Variants in UBA1 observed in about 807,000 individuals in gnomAD.
UBA1 encodes the protein ubiquitin-like modifier-activating enzyme 1.
Under a neutral mutation model 84.7 loss-of-function variants are expected in UBA1, and 4 were observed. The ratio of observed to expected loss-of-function variants is 0.05; its 90% CI spans 0.02 to 0.11. The LOEUF (loss-of-function observed/expected upper bound fraction) is 0.11, where lower values mean the gene tolerates loss of function less well. Ranked by LOEUF, UBA1 falls within the 10% of genes least tolerant of loss-of-function variation. The pLI, the probability that UBA1 is intolerant of heterozygous loss-of-function variation, is 1.00. For missense variants in UBA1, 513 were observed against 902.8 expected (o/e 0.57, Z 5.53); for synonymous variants, 364 against 362.6 (o/e 1.00, Z -0.04).
chrX:47,205,632 G>A (rs1334408481), intron 14 of UBA1: 3 of 365,860 alleles, frequency 8.2e-6, no homozygotes, highest in Non-Finnish European at 1.5e-5. Flanking sequence ...TGGGGCCGAG[G>A]TCTTTGAGCT....
intron 1 of UBA1, among the ~76,000 whole-genome samples, chrX:47,195,952 A>G (rs1556785395): frequency 1.8e-5 from 2 of 110,866 alleles, no homozygotes; most frequent in Non-Finnish European, 3.8e-5. Context: ...AGAGTCCTCC[A>G]GAGCCTCAAC....
At chrX:47,208,272 CGTGTGTGT>C (rs144601357) in intron 16 of UBA1, among the ~76,000 whole-genome samples, 2 of 106,481 alleles carry the variant, frequency 1.9e-5, no homozygotes, top group East Asian at 3.0e-4. Flanking sequence ...AGTGTCTGTA[CGTGTGTGT>C]GTGTGTGTGT....
At chrX:47,203,421 C>A in intron 13 of UBA1, 120 bp from the exon 14 acceptor site, 1 of 948,517 alleles carries the variant, frequency 1.1e-6, no homozygotes, top group Non-Finnish European at 1.5e-6. Context: ...GTCCTGCAAC[C>A]TGAAGATGTG....
chrX:47,195,843 G>A (rs937257424), intron 1 of UBA1, among the ~76,000 whole-genome samples: 5 of 110,450 alleles, frequency 4.5e-5, no homozygotes, highest in African/African-American at 1.3e-4. Flanking sequence ...CAGCCTCCTG[G>A]GACTCTGTAG....
Position 47,210,902 on chromosome X carries a change from T to A in UBA1, c.2260T>A (p.Phe754Ile). 8.3e-7 allele frequency: 1 copy of A among 1,211,330 alleles called. No homozygotes were observed. The highest frequency in any genetic ancestry group is 1.1e-6 in the Non-Finnish European group (1 of 895,255). The change falls in exon 19 of 26, where the codon TTT becomes ATT. Residue 754 changes from phenylalanine (F) to isoleucine (I), a missense_variant. This residue lies in a region of UBA1 where 151 missense variants were observed against 260.1 expected (regional missense o/e 0.58). Transcript: ENST00000335972. ...GPKRCPHPLT[F>I]DVNNPLHLDY... ...CAAACGCTGTCCACACCCGCTCACCTTTGATGTCAACAATGTAAGTCTCCT... is the reference window on the plus strand; with the variant it reads ...CAAACGCTGTCCACACCCGCTCACCATTGATGTCAACAATGTAAGTCTCCT...
In UBA1 at chrX:47,214,848, G is replaced by T; in HGVS notation, c.3096G>T (p.Arg1032=). The part of the protein sequence containing the change: ...VSKRKLGRHV[R]ALVLELCCND... ...AGCGAAAGCTGGGCCGCCACGTGCG[G>T]GCGCTGGTGCTTGAGCTGTGCTGTA... Residue 1032 remains arginine, a synonymous_variant, in exon 26 of 26, where the codon CGG becomes CGT. Transcript: ENST00000335972. 8.3e-7 allele frequency: 1 copy of T among 1,211,976 alleles called. No individual in the cohort carries two copies.
chrX:47,202,557 A>G (rs2147260297), intron 10 of UBA1, 53 bp downstream of exon 10: 1 of 1,204,134 alleles, frequency 8.3e-7, no homozygotes, highest in East Asian at 3.0e-5. Context: ...CTGCAGGCTC[A>G]CCATGCCTCT....
chrX:47,209,435 T>C, intron 16 of UBA1, 188 bp from the exon 17 acceptor site: 1 of 527,817 alleles, frequency 1.9e-6, no homozygotes, highest in Non-Finnish European at 3.5e-6. Context: ...ATTACAGGTG[T>C]GAGCTACTGT....
chrX:47,204,785 T>A (rs1363242286), intron 14 of UBA1: 2 of 111,737 alleles, frequency 1.8e-5, no homozygotes, highest in Non-Finnish European at 3.8e-5. Context: ...TGCAGGGTTC[T>A]CTGAGAAGCT....
At chrX:47,205,697 T>A in intron 14 of UBA1, 3 of 419,353 alleles carry the variant, frequency 7.2e-6, no homozygotes, top group Non-Finnish European at 1.3e-5. Context: ...CTACCAAAAA[T>A]ACAAAAATTA....
chrX:47,198,859 G>A lies in UBA1; in HGVS notation c.57G>A (p.Pro19=), dbSNP rs782179993. 2.1e-5 allele frequency: 25 copies of A among 1,210,506 alleles called. No homozygotes were observed. In the Middle Eastern group the frequency reaches 6.9e-4, roughly 33 times the overall value. The part of the protein sequence containing the change: ...KRRVSGPDPK[P]GSNCSPAQSV... ...GCGTGTCCGGGCCTGATCCAAAGCC[G>A]GGTTCTAACTGCTCCCCTGCCCAGT... The change falls in exon 2 of 26, where the codon CCG becomes CCA. Residue 19 remains proline (P), a synonymous_variant. Transcript: ENST00000335972.
intron 6 of UBA1, 123 bp from the exon 7 acceptor site, chrX:47,201,153 C>A: frequency 1.2e-6 from 1 of 800,267 alleles, no homozygotes; most frequent in Non-Finnish European, 1.9e-6. Flanking sequence ...GCACAAGTAC[C>A]ATCTTACATC....
upstream of UBA1, among the ~76,000 whole-genome samples, chrX:47,193,613 T>C (rs1286654240): frequency 8.9e-6 from 1 of 112,929 alleles, no homozygotes; most frequent in African/African-American, 3.2e-5. Flanking sequence ...AATTCATTCA[T>C]TAGTCGCATT....
chrX:47,214,756 GC>G, intron 25 of UBA1, 37 bp from the exon 26 acceptor site: 1 of 1,208,224 alleles, frequency 8.3e-7, no homozygotes, highest in Non-Finnish European at 1.1e-6. Flanking sequence ...CTTGCTTTCT[GC>G]CCTCCTGACC....
intron 16 of UBA1, among the ~76,000 whole-genome samples, chrX:47,208,348 C>T (rs1230556856): frequency 3.6e-5 from 4 of 111,651 alleles, no homozygotes; most frequent in East Asian, 2.8e-4. Flanking sequence ...TGTGTGCGCA[C>T]GCACGCGTGC....
chrX:47,197,080 C>T, intron 1 of UBA1: 1 of 752,431 alleles, frequency 1.3e-6, no homozygotes, highest in Non-Finnish European at 1.6e-6. Context: ...TCTACTAACT[C>T]ACCAAGCCTC....
intron 1 of UBA1, among the ~76,000 whole-genome samples, chrX:47,196,742 A>G (rs1394558026): frequency 8.9e-6 from 1 of 111,865 alleles, no homozygotes; most frequent in African/African-American, 3.3e-5. Context: ...TCCAGAGGTG[A>G]AATGTCCAGA....
intron 20 of UBA1, among the ~76,000 whole-genome samples, chrX:47,211,461 T>C (rs1000538311): frequency 8.9e-6 from 1 of 111,877 alleles, no homozygotes; most frequent in Non-Finnish European, 1.9e-5. Context: ...GCTGTTTTAC[T>C]CTTGCTCTGT....
At chrX:47,205,453 GCAT>G in intron 14 of UBA1, 1 of 343,984 alleles carries the variant, frequency 2.9e-6, no homozygotes, top group Non-Finnish European at 5.8e-6. Flanking sequence ...CCTGCCACAT[GCAT>G]CATCATCCTG....
Sources: allele counts gnomAD v4.1 joint callset (sites outside exome capture counted in the v4.1 genomes callset), GRCh38; gene constraint gnomAD v4.1.1; regional missense constraint gnomAD v4.1.1; transcripts MANE v1.5; gene names NCBI Gene and HGNC (gene_info 2026-07-23, HGNC 2026-07-21).